The following PCDHGA5 variants were observed in gnomAD, a reference collection of about 807,000 sequenced individuals.
PCDHGA5 encodes the protein protocadherin gamma-A5.
Under a neutral mutation model 56.7 loss-of-function variants are expected in PCDHGA5, and 36 were observed. The observed-to-expected ratio is 0.64, with a 90% CI of 0.49 to 0.84. The LOEUF (loss-of-function observed/expected upper bound fraction) is 0.84. PCDHGA5 is among the 40% of genes least tolerant of loss of function. The pLI, the probability that PCDHGA5 is intolerant of heterozygous loss-of-function variation, is 0.00. For synonymous variants in PCDHGA5, 563 were observed against 520.2 expected (o/e 1.08, Z -1.12); for missense variants, 1,305 against 1,201.5 (o/e 1.09, Z -1.27).
At position 141,476,001 on chromosome 5, in the gene PCDHGA5, C is replaced by G; in HGVS notation, c.2422-18806C>G. The G allele has an allele frequency of 8.1e-7, 1 of 1,235,348 alleles. No homozygotes were observed. Among genetic ancestry groups the G allele is most frequent in the Non-Finnish European group, 1.1e-6 (1 of 894,008 alleles). 76.5% of individuals were successfully genotyped at this position (1,235,348 alleles called of 1,614,324 possible). On this transcript the variant is annotated intron_variant, in intron 1 of 3. Transcript: ENST00000518069. The surrounding 1 kb of genome is among the most constrained non-coding windows in gnomAD (Gnocchi z 7.6). ...CAGCCGGCGAGCAAATCAACGGCATCCAGAAAGCCATGTCGGACTCGGCGC... is the reference window on the plus strand; with the variant it reads ...CAGCCGGCGAGCAAATCAACGGCATGCAGAAAGCCATGTCGGACTCGGCGC...
intron 1 of PCDHGA5, chr5:141,390,418 A>C (rs2092141411): frequency 9.1e-7 from 1 of 1,099,654 alleles, no homozygotes; most frequent in African/African-American, 1.6e-5. Context: ...TAGTCAGTTA[A>C]AAAGCTGTCA....
chr5:141,399,660 C>A lies in PCDHGA5; in HGVS notation c.2421+32909C>A, dbSNP rs988885728. 11 of 1,613,536 alleles carry A rather than the reference C, an allele frequency of 6.8e-6. No individual in the cohort carries two copies. The highest frequency in any genetic ancestry group is 9.3e-6 in the Non-Finnish European group (11 of 1,179,888). ...TGAGCGCGCAAAGTGGGGTGGTGTT[C>A]GCGCAGCGCGCCTTTGACTACGAGC... is the stretch of plus-strand genomic sequence containing the variant. On this transcript the variant is annotated intron_variant, in intron 1 of 3. Coordinates refer to ENST00000518069, the MANE Select transcript of PCDHGA5 (RefSeq NM_018918.3).
chr5:141,420,975 G>A, intron 1 of PCDHGA5: 2 of 458,946 alleles, frequency 4.4e-6, no homozygotes, highest in South Asian at 4.2e-5. Context: ...TAATAAGAAT[G>A]GGCTCTAGGC....
chr5:141,491,503 G>C lies in PCDHGA5; in HGVS notation c.2422-3304G>C. On this transcript the variant is annotated intron_variant, in intron 1 of 3. Coordinates refer to ENST00000518069, the MANE Select transcript of PCDHGA5 (RefSeq NM_018918.3). The surrounding 1 kb of genome is among the most constrained non-coding windows in gnomAD (Gnocchi z 6.9). ...CCCCAACCTGCAGGTGAGCTCGGACGGCACGCTCAAGTACATGGAGGTGAC... is the reference window on the plus strand; with the variant it reads ...CCCCAACCTGCAGGTGAGCTCGGACCGCACGCTCAAGTACATGGAGGTGAC... The C allele has an allele frequency of 6.2e-7, 1 of 1,614,030 alleles. No homozygotes were observed.
intron 1 of PCDHGA5, among the ~76,000 whole-genome samples, chr5:141,461,968 C>A (rs2099027589): frequency 6.6e-6 from 1 of 152,204 alleles, no homozygotes; most frequent in African/African-American, 2.4e-5. Context: ...GGATTCCAGG[C>A]ATATGCCACC....
rs73265845 is a variant in PCDHGA5, at chr5:141,370,729, A to T, written c.2421+3978A>T. On this transcript the variant is annotated intron_variant, in intron 1 of 3. Coordinates refer to ENST00000518069, the MANE Select transcript of PCDHGA5 (RefSeq NM_018918.3). The stretch of plus-strand genomic sequence containing the variant: ...CTGGAATTTGAAATGGTTGCTGAAA[A>T]GCCTTTAAACTTTTTTCATGTAACT... The T allele has an allele frequency of 1.5e-3, 2,398 of 1,613,868 alleles. 32 individuals are homozygous for T. In the African/African-American group the frequency reaches 0.028, roughly 19 times the overall value.
chr5:141,500,520 T>A (rs2099801106), intron 2 of PCDHGA5, among the ~76,000 whole-genome samples: 1 of 152,194 alleles, frequency 6.6e-6, no homozygotes, highest in South Asian at 2.1e-4. Context: ...AGCTTCATTT[T>A]AAAAAAATCT....
In PCDHGA5 at chr5:141,491,707, G is replaced by A. The variant is rs1337506934; in HGVS notation, c.2422-3100G>A. ...GCTGCGGGAGCGGAGCCAGGTGAGG[G>A]GCTCGGCGCCGCCCCGGGCGACCCC... On this transcript the variant is annotated intron_variant, in intron 1 of 3. Transcript: ENST00000518069. The surrounding 1 kb of genome is among the most constrained non-coding windows in gnomAD (Gnocchi z 6.9). The A allele has an allele frequency of 6.2e-6, 10 of 1,610,604 alleles. No homozygotes were observed. Among genetic ancestry groups the A allele is most frequent in the Admixed American group, 1.7e-5 (1 of 59,554 alleles).
intron 1 of PCDHGA5, chr5:141,374,236 T>G: frequency 6.2e-7 from 1 of 1,613,974 alleles, no homozygotes; most frequent in African/African-American, 1.3e-5. Flanking sequence ...TCGTCAAGGA[T>G]CTGGGACTGG....
chr5:141,370,790 CT>C (rs776090899), intron 1 of PCDHGA5: 1 of 1,614,038 alleles, frequency 6.2e-7, no homozygotes, highest in East Asian at 2.2e-5. Context: ...ACCCACCGAC[CT>C]TTAGCCAAAA....
chr5:141,393,900 G>C (rs1048161107), intron 1 of PCDHGA5: 1 of 1,613,906 alleles, frequency 6.2e-7, no homozygotes, highest in Non-Finnish European at 8.5e-7. Context: ...TTCTCTTCCC[G>C]GGACAGTAAT....
intron 1 of PCDHGA5, chr5:141,423,653 G>A: frequency 6.3e-7 from 1 of 1,578,174 alleles, no homozygotes. Context: ...GACCCGACAA[G>A]TAATCAGGTG....
chr5:141,388,395 C>T (rs1445370262), intron 1 of PCDHGA5: 10 of 1,613,928 alleles, frequency 6.2e-6, no homozygotes, highest in Middle Eastern at 1.6e-4. Flanking sequence ...GCAGAATTAC[C>T]AACTCAGTCC....
chr5:141,389,360 T>C (rs1245411453), intron 1 of PCDHGA5: 4 of 1,613,742 alleles, frequency 2.5e-6, no homozygotes, highest in South Asian at 1.1e-5. Flanking sequence ...TCATGGCCAG[T>C]GACCTGGAGC....
chr5:141,410,687 T>A, intron 1 of PCDHGA5: 1 of 1,518,632 alleles, frequency 6.6e-7, no homozygotes, highest in Non-Finnish European at 8.8e-7. Context: ...TTAGGCATAC[T>A]ACTTTATTTT....
chr5:141,376,675 CG>C (rs1228548126), intron 1 of PCDHGA5: 139 of 345,036 alleles, frequency 4.0e-4, no homozygotes, highest in South Asian at 5.8e-4. Context: ...GTGAGGGTAT[CG>C]TTTTTTTTTT....
At chr5:141,389,525 CGT>C in intron 1 of PCDHGA5, 1 of 1,613,170 alleles carries the variant, frequency 6.2e-7, no homozygotes, top group Non-Finnish European at 8.5e-7. Context: ...TGAGCCTGCG[CGT>C]GTTAGTGGAC....
intron 2 of PCDHGA5, among the ~76,000 whole-genome samples, chr5:141,497,721 G>A (rs2099778948): frequency 6.6e-6 from 1 of 152,006 alleles, no homozygotes; most frequent in African/African-American, 2.4e-5. Flanking sequence ...TGTATTTTTA[G>A]TAGAGATGGG....
rs994324285 is a variant in PCDHGA5 at position 141,455,094 on chromosome 5, G to A, written c.2422-39713G>A. Among the ~76,000 whole-genome samples the A allele has an allele frequency of 3.3e-5, 5 of 152,104 alleles. No individual in the cohort carries two copies. In the Middle Eastern group the frequency reaches 0.014, roughly 414 times the overall value. ...CCCAAAGTGCTGGGATTACAGGCTT[G>A]AGCCACTGCGCCCGGTGGGTCTAAT... On this transcript the variant is annotated intron_variant, in intron 1 of 3. Coordinates refer to ENST00000518069, the MANE Select transcript of PCDHGA5 (RefSeq NM_018918.3).
Sources: allele counts gnomAD v4.1 joint callset (sites outside exome capture counted in the v4.1 genomes callset), GRCh38; gene constraint gnomAD v4.1.1; non-coding constraint Gnocchi (gnomAD v3.1); transcripts MANE v1.5; gene names NCBI Gene and HGNC (gene_info 2026-07-23, HGNC 2026-07-21).